RAB8B: variants seen among roughly 807,000 people sequenced by gnomAD.
The protein encoded by RAB8B is ras-related protein Rab-8B.
In RAB8B, 11 loss-of-function variants were observed where a neutral mutation model predicts 32.0. The ratio of observed to expected loss-of-function variants is 0.34; its 90% CI spans 0.22 to 0.57. The LOEUF (loss-of-function observed/expected upper bound fraction) is 0.57. Ranked by LOEUF, RAB8B falls within the 20% of genes least tolerant of loss-of-function variation. The pLI is 0.86. For missense variants in RAB8B, 190 were observed against 258.5 expected, an observed-to-expected ratio of 0.73 and a Z score of 1.82; for synonymous variants, 103 against 89.6, an observed-to-expected ratio of 1.15 and a Z score of -0.85.
intron 3 of RAB8B, among the ~76,000 whole-genome samples, chr15:63,252,347 G>A (rs1256915589): frequency 2.0e-5 from 3 of 152,162 alleles, no homozygotes; most frequent in Non-Finnish European, 4.4e-5. Context: ...ATCAAGCGTG[G>A]AAGAAGTATT....
intron 2 of RAB8B, among the ~76,000 whole-genome samples, chr15:63,247,022 A>C (rs1183539873): frequency 6.6e-6 from 1 of 152,238 alleles, no homozygotes; most frequent in Non-Finnish European, 1.5e-5. Flanking sequence ...AAAATACCAT[A>C]GACTGGGTGT....
chr15:63,218,258 A>T (rs752395998), intron 1 of RAB8B, among the ~76,000 whole-genome samples: 15 of 152,300 alleles, frequency 9.8e-5, no homozygotes, highest in Non-Finnish European at 1.8e-4. Context: ...TCTTACGTTA[A>T]ATGGGGATTA....
chr15:63,257,044 T>A (rs1447036690), intron 5 of RAB8B, among the ~76,000 whole-genome samples: 1 of 152,252 alleles, frequency 6.6e-6, no homozygotes, highest in Non-Finnish European at 1.5e-5. Context: ...GTTTTATGGA[T>A]AAATTCCTTG....
intron 1 of RAB8B, among the ~76,000 whole-genome samples, chr15:63,216,409 A>G (rs1294131221): frequency 6.6e-6 from 1 of 151,376 alleles, no homozygotes; most frequent in Non-Finnish European, 1.5e-5. Flanking sequence ...TTTGTATTTT[A>G]GTAGAACTGG....
chr15:63,263,591 C>G lies in RAB8B; in HGVS notation c.596C>G (p.Thr199Ser). The G allele has an allele frequency of 6.2e-7, 1 of 1,611,874 alleles. No homozygotes were observed. The highest frequency in any genetic ancestry group is 1.1e-5 in the South Asian group (1 of 91,024). ...ATAACAGAAAACCGATCAAAGAAGA[C>G]CAGTTTCTTTCGTTGCTCGCTACTT... ...VKITENRSKKTSFFRCSLL is the reference protein window; with the variant it reads ...VKITENRSKKSSFFRCSLL The change falls in exon 8 of 8, where the codon ACC (threonine) becomes AGC (serine). Residue 199 changes from threonine (T) to serine (S), a missense_variant. Transcript: ENST00000321437.
At chr15:63,230,095 G>A (rs971114882) in intron 1 of RAB8B, among the ~76,000 whole-genome samples, 1 of 151,950 alleles carries the variant, frequency 6.6e-6, no homozygotes, top group Non-Finnish European at 1.5e-5. Flanking sequence ...GCATTACTCT[G>A]TTGGTTGTAA....
intron 1 of RAB8B, among the ~76,000 whole-genome samples, chr15:63,236,609 C>A (rs1413561819): frequency 6.6e-6 from 1 of 151,606 alleles, no homozygotes; most frequent in African/African-American, 2.4e-5. Flanking sequence ...TACAAAAAGT[C>A]TTTTAAAAAA....
intron 3 of RAB8B, chr15:63,251,152 T>C (rs1383142491): frequency 9.9e-6 from 4 of 403,504 alleles, no homozygotes; most frequent in Non-Finnish European, 1.9e-5. Context: ...ACTTTTAAGA[T>C]TGTGAAGGGT....
rs2038189253 is a variant in RAB8B at position 63,259,887 on chromosome 15, T to G, written c.480+195T>G. Among the ~76,000 whole-genome samples the G allele has an allele frequency of 6.6e-6, 1 of 152,062 alleles. No individual in the cohort carries two copies. The highest frequency in any genetic ancestry group is 2.4e-5 in the African/African-American group (1 of 41,392). ...GTCTCACTCTGTCGCCAGGCTGGAA[T>G]GCAGTGGCATGATCTCGGCTCACTG... On this transcript the variant is annotated intron_variant, in intron 6 of 7. Coordinates refer to ENST00000321437, the MANE Select transcript of RAB8B (RefSeq NM_016530.3). The surrounding 1 kb of genome is among the most constrained non-coding windows in gnomAD (Gnocchi z 4.4).
intron 1 of RAB8B, among the ~76,000 whole-genome samples, chr15:63,203,819 A>T (rs1175039700): frequency 6.6e-6 from 1 of 152,134 alleles, no homozygotes; most frequent in African/African-American, 2.4e-5. Context: ...TCCATTTTTA[A>T]ACCCCATGTT....
intron 1 of RAB8B, among the ~76,000 whole-genome samples, chr15:63,222,844 A>G (rs2037856126): frequency 1.3e-5 from 2 of 151,780 alleles, no homozygotes; most frequent in African/African-American, 2.4e-5. Context: ...CCCGGCCCAC[A>G]TAAGATTATA....
At chr15:63,193,548 A>T (rs1010263823) in intron 1 of RAB8B, among the ~76,000 whole-genome samples, 3 of 152,302 alleles carry the variant, frequency 2.0e-5, no homozygotes, top group African/African-American at 7.2e-5. Context: ...GCAGTGGCTC[A>T]TGCCTGTAAT....
At chr15:63,209,483 C>T (rs1234601291) in intron 1 of RAB8B, among the ~76,000 whole-genome samples, 4 of 151,728 alleles carry the variant, frequency 2.6e-5, no homozygotes, top group African/African-American at 4.8e-5. Context: ...CCCAGCTACT[C>T]GGAAGGCTGA....
At chr15:63,216,763 G>A (rs575323241) in intron 1 of RAB8B, among the ~76,000 whole-genome samples, 1 of 151,350 alleles carries the variant, frequency 6.6e-6, no homozygotes, top group African/African-American at 2.4e-5. Context: ...GGGAGGCTGA[G>A]ACAGGAGAAT....
At chr15:63,209,580 GA>G (rs2037730272) in intron 1 of RAB8B, among the ~76,000 whole-genome samples, 1 of 151,724 alleles carries the variant, frequency 6.6e-6, no homozygotes, top group Non-Finnish European at 1.5e-5. Flanking sequence ...GACAAAAAGC[GA>G]AAAAATAAAA....
intron 3 of RAB8B, among the ~76,000 whole-genome samples, chr15:63,251,039 A>G (rs1049921980): frequency 6.6e-6 from 1 of 151,968 alleles, no homozygotes; most frequent in African/African-American, 2.4e-5. Flanking sequence ...TTGGAGTAGC[A>G]TCATAACTCA....
intron 7 of RAB8B, 141 bp from the exon 8 acceptor site, chr15:63,263,386 C>T: frequency 1.6e-6 from 1 of 625,664 alleles, no homozygotes; most frequent in Middle Eastern, 2.8e-4. Flanking sequence ...AGTTCCCGTT[C>T]TAATAAAATA....
At chr15:63,204,927 G>T (rs2037685696) in intron 1 of RAB8B, among the ~76,000 whole-genome samples, 1 of 152,202 alleles carries the variant, frequency 6.6e-6, no homozygotes, top group South Asian at 2.1e-4. Context: ...GGAGGCCGAG[G>T]CAGGAGGCTT....
At position 63,249,557 on chromosome 15, in the gene RAB8B, A is replaced by T. The variant is rs1277332185; in HGVS notation, c.186-88A>T. ...TCTGTGACCACTGCACCCTGAGCAG[A>T]CTAGAATTACATCTCCTACAGCAGG... On this transcript the variant is annotated intron_variant, in intron 2 of 7. Transcript: ENST00000321437. The T allele has an allele frequency of 4.0e-6, 5 of 1,257,502 alleles. No individual in the cohort carries two copies. The African/African-American group carries it at 7.4e-5, about 19-fold the overall frequency. 77.9% of individuals were successfully genotyped at this position (1,257,502 alleles called of 1,614,324 possible).
Sources: gnomAD v4.1 joint callset for allele counts (sites outside exome capture counted in the v4.1 genomes callset) on GRCh38, gnomAD v4.1.1 for gene constraint, Gnocchi (gnomAD v3.1) non-coding constraint, MANE v1.5 for transcripts, NCBI Gene and HGNC (gene_info 2026-07-23, HGNC 2026-07-21) for gene names.